Variants in SYNPO2 observed in about 807,000 individuals in gnomAD.
The protein encoded by SYNPO2 is synaptopodin 2.
Under a neutral mutation model 85.0 loss-of-function variants are expected in SYNPO2, and 56 were observed. That is an observed-to-expected ratio of 0.66 (90% CI 0.53 to 0.82). The LOEUF is 0.82. Among genes scored for constraint, SYNPO2 ranks in the 40% least tolerant of loss-of-function variants. The probability of loss-of-function intolerance (pLI) is 0.00; values close to 1 mark genes in which losing one functional copy is unlikely to be tolerated. For synonymous variants in SYNPO2, 602 were observed against 591.1 expected, an observed-to-expected ratio of 1.02 and a Z score of -0.27; for missense variants, 1,575 against 1,534.2, an observed-to-expected ratio of 1.03 and a Z score of -0.44.
intron 1 of SYNPO2, among the ~76,000 whole-genome samples, chr4:118,905,391 A>C (rs921380410): frequency 1.3e-5 from 2 of 151,894 alleles, no homozygotes; most frequent in Non-Finnish European, 2.9e-5. Flanking sequence ...ATTGAACCTA[A>C]TATCGCCTTA....
At chr4:118,980,574 G>C (rs1396508845) in intron 1 of SYNPO2, among the ~76,000 whole-genome samples, 1 of 151,820 alleles carries the variant, frequency 6.6e-6, no homozygotes, top group East Asian at 1.9e-4. Context: ...TCAGAAACTA[G>C]ACTTGTAAAT....
At chr4:118,941,779 G>T (rs539482866) in intron 1 of SYNPO2, among the ~76,000 whole-genome samples, 1 of 152,290 alleles carries the variant, frequency 6.6e-6, no homozygotes, top group African/African-American at 2.4e-5. Flanking sequence ...GGAGGAGGCA[G>T]CCCCACTATG....
chr4:119,010,142 GTT>G (rs1737235806), intron 1 of SYNPO2, among the ~76,000 whole-genome samples: 1 of 152,166 alleles, frequency 6.6e-6, no homozygotes, highest in Non-Finnish European at 1.5e-5. Flanking sequence ...TTGACTGAGT[GTT>G]TACTATGTGT....
At chr4:118,939,647 T>C (rs143568328) in intron 1 of SYNPO2, among the ~76,000 whole-genome samples, 3 of 152,324 alleles carry the variant, frequency 2.0e-5, no homozygotes, top group African/African-American at 4.8e-5. Flanking sequence ...CCAGTCCACA[T>C]AGTGCTCATA....
chr4:118,988,897 T>G (rs562833780), intron 1 of SYNPO2, among the ~76,000 whole-genome samples: 5 of 152,150 alleles, frequency 3.3e-5, no homozygotes, highest in Non-Finnish European at 5.9e-5. Flanking sequence ...TCTCCACATC[T>G]TGACAGAAGG....
chr4:118,945,051 G>T (rs1734448934), intron 1 of SYNPO2, among the ~76,000 whole-genome samples: 1 of 152,058 alleles, frequency 6.6e-6, no homozygotes, highest in Non-Finnish European at 1.5e-5. Flanking sequence ...TTATCTTCTG[G>T]CATTTCTGTT....
chr4:119,007,421 A>C (rs1465195336), intron 1 of SYNPO2, among the ~76,000 whole-genome samples: 1 of 150,630 alleles, frequency 6.6e-6, no homozygotes, highest in Non-Finnish European at 1.5e-5. Context: ...ACAAAAAAAA[A>C]ACATAAAACA....
intron 1 of SYNPO2, among the ~76,000 whole-genome samples, chr4:118,924,992 A>G (rs1395617812): frequency 6.6e-6 from 1 of 152,204 alleles, no homozygotes; most frequent in Non-Finnish European, 1.5e-5. Context: ...CCATGGCTGC[A>G]GTACTGCAAC....
chr4:118,927,539 T>C (rs757124388), intron 1 of SYNPO2, among the ~76,000 whole-genome samples: 11 of 152,102 alleles, frequency 7.2e-5, no homozygotes, highest in Non-Finnish European at 1.5e-4. Context: ...TCCATTACCA[T>C]GCTGTTTCCC....
chr4:118,936,327 T>C (rs1442067388), intron 1 of SYNPO2, among the ~76,000 whole-genome samples: 1 of 152,232 alleles, frequency 6.6e-6, no homozygotes, highest in Non-Finnish European at 1.5e-5. Flanking sequence ...CAATTTAATG[T>C]ATTTAATATT....
intron 1 of SYNPO2, among the ~76,000 whole-genome samples, chr4:118,959,779 C>T (rs1735007991): frequency 6.6e-6 from 1 of 152,216 alleles, no homozygotes; most frequent in South Asian, 2.1e-4. Context: ...TATCTGTTGG[C>T]ATCTCCGAGG....
intron 1 of SYNPO2, among the ~76,000 whole-genome samples, chr4:119,007,341 T>G (rs1737120349): frequency 7.2e-6 from 1 of 138,826 alleles, no homozygotes; most frequent in African/African-American, 2.6e-5. Flanking sequence ...TACCACTAAC[T>G]TTTTTAAAAA....
chr4:119,041,242 CT>C (rs1038650223), intron 4 of SYNPO2, among the ~76,000 whole-genome samples: 4 of 152,214 alleles, frequency 2.6e-5, no homozygotes, highest in African/African-American at 9.6e-5. Flanking sequence ...TTGATTTAGT[CT>C]TGCTTTCCTT....
chr4:119,040,083 T>C (rs1381989655), intron 4 of SYNPO2, among the ~76,000 whole-genome samples: 6 of 152,204 alleles, frequency 3.9e-5, no homozygotes, highest in South Asian at 2.1e-4. Flanking sequence ...CAAGTTGTTA[T>C]GAAGATTAAA....
chr4:118,970,511 T>C (rs1735499956), intron 1 of SYNPO2, among the ~76,000 whole-genome samples: 1 of 152,210 alleles, frequency 6.6e-6, no homozygotes, highest in Non-Finnish European at 1.5e-5. Context: ...TGTAATAACT[T>C]GATACCTCCC....
At chr4:118,982,156 G>T (rs188957115) in intron 1 of SYNPO2, among the ~76,000 whole-genome samples, 1 of 152,196 alleles carries the variant, frequency 6.6e-6, no homozygotes, top group Non-Finnish European at 1.5e-5. Context: ...TTTTAAATGT[G>T]GTTGCAAAGT....
At chr4:119,013,324 T>C (rs1254103186) in intron 1 of SYNPO2, among the ~76,000 whole-genome samples, 2 of 152,230 alleles carry the variant, frequency 1.3e-5, no homozygotes, top group Non-Finnish European at 2.9e-5. Flanking sequence ...CTTGAATGCA[T>C]ATCTTTTTAA....
At position 119,030,757 on chromosome 4, in the gene SYNPO2, A is replaced by G; in HGVS notation, c.1982A>G (p.Tyr661Cys). Reference protein sequence around the residue: ...QPAPWSQPAFYDSSERIASRD... With the variant: ...QPAPWSQPAFCDSSERIASRD... ...GCCCCGTGGTCCCAGCCAGCCTTTTACGATTCGTCTGAGCGAATAGCTTCC... is the reference window on the plus strand; with the variant it reads ...GCCCCGTGGTCCCAGCCAGCCTTTTGCGATTCGTCTGAGCGAATAGCTTCC... The change falls in exon 4 of 5, where the codon TAC (tyrosine) becomes TGC (cysteine). Residue 661 changes from tyrosine to cysteine, a missense_variant. Tyr to Cys is a radical substitution (Grantham distance 194). Coordinates refer to ENST00000307142, the MANE Select transcript of SYNPO2 (RefSeq NM_133477.3). The G allele has an allele frequency of 6.2e-7, 1 of 1,614,094 alleles. No homozygotes were observed. Among genetic ancestry groups the G allele is most frequent in the African/African-American group, 1.3e-5 (1 of 74,984 alleles).
At chr4:118,975,536 G>A (rs905347834) in intron 1 of SYNPO2, among the ~76,000 whole-genome samples, 16 of 152,178 alleles carry the variant, frequency 1.1e-4, no homozygotes, top group African/African-American at 3.6e-4. Context: ...GCAATCAGGC[G>A]AAATTCAAGA....
Sources: allele counts gnomAD v4.1 joint callset (sites outside exome capture counted in the v4.1 genomes callset), GRCh38; gene constraint gnomAD v4.1.1; transcripts MANE v1.5; gene names NCBI Gene and HGNC (gene_info 2026-07-23, HGNC 2026-07-21).